The following MARF1 variants were observed in gnomAD, a reference collection of about 807,000 sequenced individuals.
MARF1 encodes meiosis regulator and mRNA stability factor 1.
Under a neutral mutation model 168.2 loss-of-function variants are expected in MARF1, and 24 were observed. The observed-to-expected ratio is 0.14, with a 90% CI of 0.10 to 0.20. The LOEUF is 0.20. Among genes scored for constraint, MARF1 ranks in the 10% least tolerant of loss-of-function variants. MARF1 has a pLI of 1.00. For missense variants in MARF1, 1,744 were observed against 2,143.6 expected (o/e 0.81, Z 3.68); for synonymous variants, 868 against 822.4 (o/e 1.06, Z -0.95).
intron 12 of MARF1, among the ~76,000 whole-genome samples, chr16:15,621,238 G>T (rs947525372): frequency 2.6e-5 from 4 of 152,208 alleles, no homozygotes; most frequent in Admixed American, 6.5e-5. Context: ...GAGACCCAAA[G>T]AAGTATCACA....
chr16:15,611,811 G>T, intron 17 of MARF1, 77 bp from the exon 18 acceptor site: 1 of 1,238,006 alleles, frequency 8.1e-7, no homozygotes, highest in Non-Finnish European at 1.2e-6. Context: ...TCACCCTCTC[G>T]TTACTAGCCT....
intron 16 of MARF1, among the ~76,000 whole-genome samples, chr16:15,614,578 G>A (rs1376690571): frequency 6.8e-6 from 1 of 147,918 alleles, no homozygotes; most frequent in African/African-American, 2.5e-5. Context: ...GAGGTCAGGA[G>A]ATCAAGACCA....
chr16:15,599,111 T>C (rs1376401199), intron 25 of MARF1, 87 bp from the exon 26 acceptor site: 1 of 1,129,796 alleles, frequency 8.9e-7, no homozygotes, highest in Non-Finnish European at 1.3e-6. Flanking sequence ...AAGTTTTCCT[T>C]CTAAGCCTTA....
intron 1 of MARF1, among the ~76,000 whole-genome samples, chr16:15,641,006 G>A (rs2035913247): frequency 6.6e-6 from 1 of 152,204 alleles, no homozygotes; most frequent in South Asian, 2.1e-4. Context: ...GAGGTAGGAG[G>A]ATCTCTTGAG....
intron 12 of MARF1, 69 bp from the exon 13 acceptor site, chr16:15,620,600 C>G: frequency 9.8e-7 from 1 of 1,023,084 alleles, no homozygotes; most frequent in Middle Eastern, 2.1e-4. Flanking sequence ...AAACAGAGTT[C>G]ATAAAATTAA....
intron 1 of MARF1, among the ~76,000 whole-genome samples, 153 bp from the exon 2 acceptor site, chr16:15,639,444 A>G (rs1410817784): frequency 6.6e-6 from 1 of 152,218 alleles, no homozygotes; most frequent in Non-Finnish European, 1.5e-5. Flanking sequence ...TCTGTCGCCC[A>G]GGCTGGCATG....
At chr16:15,618,255 C>CT (rs915200035) in intron 13 of MARF1, among the ~76,000 whole-genome samples, 1 of 152,234 alleles carries the variant, frequency 6.6e-6, no homozygotes, top group African/African-American at 2.4e-5. Flanking sequence ...TTCTCACTGT[C>CT]TGACCAGTGT....
chr16:15,622,307 A>G (rs1669694106), intron 11 of MARF1, among the ~76,000 whole-genome samples: 1 of 152,246 alleles, frequency 6.6e-6, no homozygotes. Flanking sequence ...AAACAAGACC[A>G]GCCAACATTA....
chr16:15,619,057 C>G (rs2034267581), intron 13 of MARF1, among the ~76,000 whole-genome samples: 2 of 152,200 alleles, frequency 1.3e-5, no homozygotes, highest in African/African-American at 4.8e-5. Context: ...GGGAGAATCA[C>G]TTGAAGCCAG....
chr16:15,600,623 G>A lies in MARF1; in HGVS notation c.4687+18C>T, dbSNP rs200002523. 1.2e-6 allele frequency: 2 copies of A among 1,613,980 alleles called. No individual in the cohort carries two copies. The highest frequency in any genetic ancestry group is 2.7e-5 in the African/African-American group (2 of 75,020). ...AACCGTGATTTTTTAAGGGGGGAGG[G>A]GATGGGTGCTTACTTACTTTTCATG... On this transcript the variant is annotated intron_variant, in intron 24 of 26. Transcript: ENST00000396368.
intron 1 of MARF1, among the ~76,000 whole-genome samples, chr16:15,641,059 C>G (rs758821049): frequency 8.5e-5 from 13 of 152,188 alleles, no homozygotes; most frequent in Non-Finnish European, 1.6e-4. Flanking sequence ...GTGCCACTGG[C>G]CCTTCAGCGT....
chr16:15,623,163 G>A (rs1190489182), intron 10 of MARF1, 40 bp from the exon 11 acceptor site: 3 of 1,448,832 alleles, frequency 2.1e-6, no homozygotes, highest in Non-Finnish European at 2.8e-6. Flanking sequence ...TTAAAAAACT[G>A]TTCTGTATAT....
At chr16:15,622,863 A>T in intron 11 of MARF1, 71 bp downstream of exon 11, 6 of 1,294,342 alleles carry the variant, frequency 4.6e-6, no homozygotes, top group Non-Finnish European at 6.3e-6. Context: ...TATGTATATC[A>T]AATTAGGTCC....
In MARF1 at chr16:15,609,765, T is replaced by C. The variant is rs2151091691; in HGVS notation, c.3752-40A>G. On this transcript the variant is annotated intron_variant, in intron 19 of 26. Coordinates refer to ENST00000396368, the MANE Select transcript of MARF1 (RefSeq NM_014647.4). ...AAAAAACATAAAATCACAGTTTTTT[T>C]CTACCCATTTGTGTTCAACATCCAC... 2.6e-6 allele frequency: 4 copies of C among 1,559,192 alleles called. No homozygotes were observed. In the East Asian group the frequency reaches 6.9e-5, roughly 27 times the overall value.
intron 7 of MARF1, among the ~76,000 whole-genome samples, chr16:15,627,397 T>C (rs1253361651): frequency 6.6e-6 from 1 of 152,140 alleles, no homozygotes; most frequent in Non-Finnish European, 1.5e-5. Context: ...AAGCGGGTGA[T>C]CACCTGAGGT....
chr16:15,616,522 T>C (rs181557692), intron 15 of MARF1, among the ~76,000 whole-genome samples: 126 of 152,306 alleles, frequency 8.3e-4, no homozygotes, highest in African/African-American at 3.0e-3. Context: ...GTTTCTAAAA[T>C]GTAGCGCAAA....
At position 15,595,703 on chromosome 16, in the gene MARF1, G is replaced by A. The variant is rs2031614977; in HGVS notation, c.*990C>T. 6.6e-6 allele frequency: 1 copy of A among 152,134 alleles called. No homozygotes were observed. Among genetic ancestry groups the A allele is most frequent in the African/African-American group, 2.4e-5 (1 of 41,432 alleles). The allele number at this position is 152,134 out of a possible 1,614,324, so 9.4% of individuals were successfully genotyped here. A position where few individuals can be genotyped will look rare whatever the true frequency, so the allele number is the denominator to read the frequency against. On this transcript the variant is annotated 3_prime_UTR_variant, in exon 27 of 27. Transcript: ENST00000396368. ...CCAGCTTTAAAATTACAATAACAAG[G>A]TTAAGTGGATCAACCTTGGCCTTCC...
intron 1 of MARF1, among the ~76,000 whole-genome samples, chr16:15,640,808 A>C (rs2035898759): frequency 6.6e-6 from 1 of 152,256 alleles, no homozygotes; most frequent in Non-Finnish European, 1.5e-5. Context: ...CTGCTTTTGC[A>C]TTCCAATTGC....
At chr16:15,626,703 T>TA (rs2034869530) in intron 7 of MARF1, among the ~76,000 whole-genome samples, 2 of 152,132 alleles carry the variant, frequency 1.3e-5, no homozygotes, top group Non-Finnish European at 2.9e-5. Context: ...CTCACGCCTG[T>TA]CATCGCAACA....
Sources: gnomAD v4.1 joint callset for allele counts (sites outside exome capture counted in the v4.1 genomes callset) on GRCh38, gnomAD v4.1.1 for gene constraint, MANE v1.5 for transcripts, NCBI Gene and HGNC (gene_info 2026-07-23, HGNC 2026-07-21) for gene names.